The following OPRM1 variants were observed in gnomAD, a reference collection of about 807,000 sequenced individuals.
OPRM1 encodes opioid receptor mu 1.
In OPRM1, 27 loss-of-function variants were observed where a neutral mutation model predicts 31.8. That is an observed-to-expected ratio of 0.85 (90% confidence interval 0.63 to 1.17). OPRM1 has a LOEUF of 1.17. Ranked by LOEUF, OPRM1 falls within the 50% of genes most tolerant of loss-of-function variation. OPRM1 has a pLI of 0.00. For missense variants in OPRM1, 536 were observed against 511.1 expected (o/e 1.05, Z -0.47); for synonymous variants, 196 against 189.9 (o/e 1.03, Z -0.26).
intron 1 of OPRM1, among the ~76,000 whole-genome samples, chr6:154,043,525 ATG>A (rs200416652): frequency 1.4e-4 from 19 of 139,276 alleles, no homozygotes; most frequent in South Asian, 4.2e-4. Context: ...AAGGATATAT[ATG>A]TGTGTGTGTG....
chr6:154,246,822 T>C (rs1227122810), exon 4 of OPRM1: 1 of 1,526,110 alleles, frequency 6.6e-7, no homozygotes. Flanking sequence ...TAAAGTATTA[T>C]CCTGATTTAT....
chr6:154,202,118 A>G (rs945904464), intron 3 of OPRM1, among the ~76,000 whole-genome samples: 3 of 152,198 alleles, frequency 2.0e-5, no homozygotes, highest in South Asian at 2.1e-4. Flanking sequence ...TGTGTACCCA[A>G]TCAGTTCCAT....
intron 3 of OPRM1, chr6:154,110,564 G>A (rs756571503): frequency 3.3e-6 from 2 of 599,618 alleles, no homozygotes; most frequent in Non-Finnish European, 6.0e-6. Context: ...TCACAAGCAG[G>A]AGTTTCCGAG....
At chr6:154,064,728 C>T (rs1490038702) in intron 1 of OPRM1, among the ~76,000 whole-genome samples, 7 of 152,156 alleles carry the variant, frequency 4.6e-5, no homozygotes, top group Admixed American at 4.6e-4. Context: ...TTTCCCAACA[C>T]CATTTGTTGA....
chr6:154,116,449 G>T (rs769723183), intron 3 of OPRM1, among the ~76,000 whole-genome samples: 1 of 152,024 alleles, frequency 6.6e-6, no homozygotes, highest in African/African-American at 2.4e-5. Flanking sequence ...GCTGGGCGTG[G>T]TGGCACATGC....
intron 3 of OPRM1, among the ~76,000 whole-genome samples, chr6:154,196,026 G>A (rs574560939): frequency 5.7e-4 from 86 of 152,056 alleles, no homozygotes; most frequent in African/African-American, 2.0e-3. Context: ...TCCTGACCTC[G>A]TGATCCGCCT....
In OPRM1 at chr6:154,080,301, G is replaced by A. The variant is rs536859447; in HGVS notation, c.291-9525G>A. On this transcript the variant is annotated intron_variant, in intron 1 of 3. Transcript: ENST00000330432. ...GCTATAGTACTGCAGCAAACTTAAC[G>A]CCTTCAAATGCAAGAATCCTGATAA... Among the ~76,000 whole-genome samples, 13 of 152,264 alleles carry A rather than the reference G, an allele frequency of 8.5e-5. No homozygotes were observed. The South Asian group carries it at 1.2e-3, about 15-fold the overall frequency.
intron 3 of OPRM1, among the ~76,000 whole-genome samples, chr6:154,171,260 A>T (rs1799847191): frequency 6.6e-6 from 1 of 152,348 alleles, no homozygotes; most frequent in African/African-American, 2.4e-5. Flanking sequence ...TGGCATTTGC[A>T]TGTGACAGAA....
chr6:154,077,662 C>A (rs891101007), intron 1 of OPRM1, among the ~76,000 whole-genome samples: 1 of 151,640 alleles, frequency 6.6e-6, no homozygotes, highest in African/African-American at 2.4e-5. Flanking sequence ...ACCTGCGAGG[C>A]GGAGGTTGCA....
intron 3 of OPRM1, among the ~76,000 whole-genome samples, chr6:154,231,764 AAGG>A (rs1779741579): frequency 6.6e-6 from 1 of 152,240 alleles, no homozygotes; most frequent in African/African-American, 2.4e-5. Context: ...CAGAGATGCG[AAGG>A]AGACTGACTT....
At chr6:154,163,140 C>T (rs1001646886) in intron 3 of OPRM1, among the ~76,000 whole-genome samples, 1 of 152,162 alleles carries the variant, frequency 6.6e-6, no homozygotes, top group African/African-American at 2.4e-5. Flanking sequence ...TGTCTTACTC[C>T]GAGCAGAAGC....
At chr6:154,215,197 C>G (rs375003486) in intron 3 of OPRM1, among the ~76,000 whole-genome samples, 33 of 152,336 alleles carry the variant, frequency 2.2e-4, no homozygotes, top group African/African-American at 7.7e-4. Context: ...TACACTTGCA[C>G]TAAGCCATAA....
intron 1 of OPRM1, chr6:154,087,358 C>G (rs924774582): frequency 2.2e-5 from 22 of 985,358 alleles, no homozygotes; most frequent in Non-Finnish European, 2.5e-5. Flanking sequence ...CAACAGCTGT[C>G]TTGGGCTGAA....
At chr6:154,106,222 T>C (rs1795554145) in intron 3 of OPRM1, among the ~76,000 whole-genome samples, 1 of 152,236 alleles carries the variant, frequency 6.6e-6, no homozygotes, top group Non-Finnish European at 1.5e-5. Flanking sequence ...CACATTTTAC[T>C]TTCTTTACAC....
intron 3 of OPRM1, among the ~76,000 whole-genome samples, chr6:154,099,868 TATG>T (rs2128499378): frequency 6.8e-6 from 1 of 146,104 alleles, no homozygotes; most frequent in East Asian, 2.0e-4. Context: ...TATATTATCA[TATG>T]ATATATATCA....
At chr6:154,075,320 T>A (rs17209711) in intron 1 of OPRM1, among the ~76,000 whole-genome samples, 21,347 of 152,116 alleles carry the variant, frequency 0.14, 1,566 homozygotes, top group Non-Finnish European at 0.17. Context: ...GTATTGAAAA[T>A]GATACGGTGA....
chr6:154,149,082 A>G (rs9397178), intron 3 of OPRM1, among the ~76,000 whole-genome samples: 15,904 of 152,138 alleles, frequency 0.1, 1,206 homozygotes, highest in East Asian at 0.41. Context: ...ATCTTATCTC[A>G]GGGTGTATTA....
chr6:154,058,630 G>A (rs894698157), intron 1 of OPRM1, among the ~76,000 whole-genome samples: 4 of 152,158 alleles, frequency 2.6e-5, no homozygotes, highest in African/African-American at 9.7e-5. Flanking sequence ...TAGAATATTG[G>A]TCCCTAGCAA....
In OPRM1 at chr6:154,129,575, A is replaced by C. The variant is rs1386242394; in HGVS notation, c.*10854A>C. ...CCACTGTTACAGAAAATCATAATGG[A>C]AAAACTAAAATGTCAATAATAATTT... On this transcript the variant is annotated 3_prime_UTR_variant, in exon 4 of 4. Transcript: ENST00000330432. 6.6e-6 allele frequency among the ~76,000 whole-genome samples: 1 copy of C among 152,256 alleles called. No individual in the cohort carries two copies. The highest frequency in any genetic ancestry group is 1.5e-5 in the Non-Finnish European group (1 of 68,040).
Sources: allele counts gnomAD v4.1 joint callset (sites outside exome capture counted in the v4.1 genomes callset), GRCh38; gene constraint gnomAD v4.1.1; transcripts MANE v1.5; gene names NCBI Gene and HGNC (gene_info 2026-07-23, HGNC 2026-07-21).